WDFY2: variants seen among roughly 807,000 people sequenced by gnomAD.
WDFY2 encodes the protein WD repeat and FYVE domain-containing protein 2.
WDFY2 carries 36 observed loss-of-function variants against 56.4 expected under a neutral mutation model. That is an observed-to-expected ratio of 0.64 (90% CI 0.49 to 0.84). The LOEUF is 0.84. Among genes scored for constraint, WDFY2 ranks in the 40% least tolerant of loss-of-function variants. The pLI is 0.00. For synonymous variants in WDFY2, 176 were observed against 183.7 expected (o/e 0.96, Z 0.34); for missense variants, 444 against 512.2 (o/e 0.87, Z 1.29).
At chr13:51,632,368 T>C (rs992614115) in intron 1 of WDFY2, among the ~76,000 whole-genome samples, 1 of 152,164 alleles carries the variant, frequency 6.6e-6, no homozygotes, top group Non-Finnish European at 1.5e-5. Context: ...TTTATTACTT[T>C]TTCTTTACTT....
intron 1 of WDFY2, among the ~76,000 whole-genome samples, chr13:51,619,039 G>T (rs1007163866): frequency 3.3e-5 from 5 of 152,198 alleles, no homozygotes; most frequent in Non-Finnish European, 7.3e-5. Flanking sequence ...GAGCTGCAGA[G>T]CTCCAAGTAG....
intron 4 of WDFY2, among the ~76,000 whole-genome samples, chr13:51,711,513 TG>T (rs1952216198): frequency 6.6e-6 from 1 of 152,206 alleles, no homozygotes; most frequent in Non-Finnish European, 1.5e-5. Flanking sequence ...ACCTACAGAA[TG>T]GGAGAAGATT....
At chr13:51,718,767 T>G (rs556108596) in intron 4 of WDFY2, among the ~76,000 whole-genome samples, 4 of 152,362 alleles carry the variant, frequency 2.6e-5, no homozygotes, top group Non-Finnish European at 5.9e-5. Flanking sequence ...CCAGTTTTTT[T>G]GTAAGTGCAC....
chr13:51,744,895 G>T (rs558213368), intron 7 of WDFY2, among the ~76,000 whole-genome samples: 1 of 152,174 alleles, frequency 6.6e-6, no homozygotes. Flanking sequence ...CTGAAAGGTG[G>T]TTATATTTTG....
In WDFY2 at chr13:51,685,179, G is replaced by A. The variant is rs543626603; in HGVS notation, c.279+9936G>A. ...AGCCCCAAACCCATTCTTATGAGAA[G>A]CCTGCCTTAATTACAGAGCAGAGTT... On this transcript the variant is annotated intron_variant, in intron 3 of 11. Coordinates refer to ENST00000298125, the MANE Select transcript of WDFY2 (RefSeq NM_052950.4). Among the ~76,000 whole-genome samples, 13 of 152,296 alleles carry A rather than the reference G, an allele frequency of 8.5e-5. No individual in the cohort carries two copies. The East Asian group carries it at 2.5e-3, about 29-fold the overall frequency.
chr13:51,625,991 G>A (rs1954829308), intron 1 of WDFY2, among the ~76,000 whole-genome samples: 1 of 152,126 alleles, frequency 6.6e-6, no homozygotes, highest in African/African-American at 2.4e-5. Context: ...GTCATAGTTG[G>A]GTGGCCCGGA....
At chr13:51,718,992 A>G (rs1952427505) in intron 4 of WDFY2, among the ~76,000 whole-genome samples, 1 of 152,066 alleles carries the variant, frequency 6.6e-6, no homozygotes, top group Non-Finnish European at 1.5e-5. Context: ...TTTTTTTTTA[A>G]TCACCCAAAA....
chr13:51,602,207 C>T (rs369110643), intron 1 of WDFY2, among the ~76,000 whole-genome samples: 234 of 152,294 alleles, frequency 1.5e-3, no homozygotes, highest in African/African-American at 4.0e-3. Context: ...ACAGTGGTCC[C>T]ATAGATTATA....
chr13:51,756,321 C>G lies in WDFY2; in HGVS notation c.934-11C>G. Reference sequence around the variant, plus strand: ...GCCGTGATGAGTATCTATTTTATCTCCCTCCTCCAGCACCACTGCCGCAAG... The same window carrying G: ...GCCGTGATGAGTATCTATTTTATCTGCCTCCTCCAGCACCACTGCCGCAAG... On this transcript the variant is annotated splice_polypyrimidine_tract_variant and intron_variant, in intron 9 of 11. Transcript: ENST00000298125. 6.2e-7 allele frequency: 1 copy of G among 1,610,806 alleles called. No individual in the cohort carries two copies. Among genetic ancestry groups the G allele is most frequent in the Non-Finnish European group, 8.5e-7 (1 of 1,178,334 alleles).
chr13:51,757,559 T>C (rs997837911), intron 10 of WDFY2, among the ~76,000 whole-genome samples: 3 of 151,732 alleles, frequency 2.0e-5, no homozygotes, highest in African/African-American at 4.8e-5. Context: ...TTCCCGCCTC[T>C]GTTTCTTCTG....
rs947957360 is a variant in WDFY2, at chr13:51,584,547, A to G, written c.-141A>G. The G allele has an allele frequency of 2.5e-6, 3 of 1,189,024 alleles. No homozygotes were observed. Among genetic ancestry groups the G allele is most frequent in the Admixed American group, 3.0e-5 (1 of 33,760 alleles). 73.7% of individuals were successfully genotyped at this position (1,189,024 alleles called of 1,614,324 possible). ...GGAGTCGTTCCCGAGAGAGGCGGCC[A>G]GGCTATGCTCGCCGGTTTCCGGCGT... On this transcript the variant is annotated 5_prime_UTR_variant, in exon 1 of 12. Coordinates refer to ENST00000298125, the MANE Select transcript of WDFY2 (RefSeq NM_052950.4).
chr13:51,661,943 T>G (rs538317098), intron 2 of WDFY2, among the ~76,000 whole-genome samples: 55 of 151,298 alleles, frequency 3.6e-4, no homozygotes, highest in African/African-American at 7.8e-4. Context: ...ATTCTCTAGG[T>G]TTTTTTTTCC....
chr13:51,671,077 T>C (rs528050563), intron 2 of WDFY2, among the ~76,000 whole-genome samples: 1 of 152,216 alleles, frequency 6.6e-6, no homozygotes, highest in Non-Finnish European at 1.5e-5. Context: ...CTGAGTAATA[T>C]TCCCTGGTTC....
At chr13:51,671,767 T>A (rs1295631466) in intron 2 of WDFY2, among the ~76,000 whole-genome samples, 1 of 150,678 alleles carries the variant, frequency 6.6e-6, no homozygotes, top group East Asian at 1.9e-4. Flanking sequence ...CTTTGATTTG[T>A]TGCATTTGCT....
At chr13:51,683,312 G>A (rs1005462565) in intron 3 of WDFY2, among the ~76,000 whole-genome samples, 1 of 152,246 alleles carries the variant, frequency 6.6e-6, no homozygotes, top group African/African-American at 2.4e-5. Context: ...ATCAACGATA[G>A]GAATCAGTCC....
chr13:51,671,531 G>A (rs1175272617), intron 2 of WDFY2, among the ~76,000 whole-genome samples: 2 of 152,122 alleles, frequency 1.3e-5, no homozygotes, highest in East Asian at 1.9e-4. Context: ...GTCTATTCAT[G>A]TCCTTAGCCC....
At chr13:51,653,639 C>G (rs1955449093) in intron 1 of WDFY2, among the ~76,000 whole-genome samples, 1 of 152,230 alleles carries the variant, frequency 6.6e-6, no homozygotes, top group South Asian at 2.1e-4. Flanking sequence ...GGACCCTCAG[C>G]TGCGGGTCTG....
At chr13:51,687,690 C>T (rs866680120) in intron 3 of WDFY2, among the ~76,000 whole-genome samples, 2 of 151,560 alleles carry the variant, frequency 1.3e-5, no homozygotes, top group Middle Eastern at 3.4e-3. Context: ...ATATTAGGAA[C>T]GATGCTGGAC....
chr13:51,755,227 A>G, intron 8 of WDFY2, 131 bp from the exon 9 acceptor site: 1 of 821,676 alleles, frequency 1.2e-6, no homozygotes, highest in East Asian at 2.6e-5. Context: ...TTTTTGAATG[A>G]TTGACTGAGA....
Sources: gnomAD v4.1 joint callset for allele counts (sites outside exome capture counted in the v4.1 genomes callset) on GRCh38, gnomAD v4.1.1 for gene constraint, MANE v1.5 for transcripts, NCBI Gene and HGNC (gene_info 2026-07-23, HGNC 2026-07-21) for gene names.